TRIM47: variants seen among roughly 807,000 people sequenced by gnomAD.
The protein encoded by TRIM47 is tripartite motif containing 47.
TRIM47 carries 46 observed loss-of-function variants against 54.4 expected under a neutral mutation model. That is an observed-to-expected ratio of 0.84 (90% CI 0.67 to 1.08). TRIM47 has a LOEUF of 1.08. Among genes scored for constraint, TRIM47 ranks in the 50% least tolerant of loss-of-function variants. The probability of loss-of-function intolerance (pLI) is 0.00; values close to 1 mark genes in which losing one functional copy is unlikely to be tolerated. For synonymous variants in TRIM47, 392 were observed against 410.2 expected, an observed-to-expected ratio of 0.96 and a Z score of 0.54; for missense variants, 825 against 910.1, an observed-to-expected ratio of 0.91 and a Z score of 1.20.
chr17:75,878,459 G>A lies in TRIM47; in HGVS notation c.90C>T (p.Leu30=), dbSNP rs2065149552. 3 of 1,428,032 alleles carry A rather than the reference G, an allele frequency of 2.1e-6. No individual in the cohort carries two copies. The highest frequency in any genetic ancestry group is 3.0e-5 in the African/African-American group (2 of 67,416). The allele number at this position is 1,428,032 out of a possible 1,614,324, so 88.5% of individuals were successfully genotyped here. A position where few individuals can be genotyped will look rare whatever the true frequency, so the allele number is the denominator to read the frequency against. ...GCGGCCAGAGCGCGCCCAGGCAGGC[G>A]AGACAGAAGTTGTGGCCGCAGGGCA... ...VTLPCGHNFC[L]ACLGALWPHR... The change falls in exon 1 of 6, where the codon CTC becomes CTT. Residue 30 remains leucine, a synonymous_variant. Transcript: ENST00000254816.
Position 75,876,043 on chromosome 17 carries a change from G to A in TRIM47, c.1059C>T (p.Pro353=), listed in dbSNP as rs1019849401. The change falls in exon 4 of 6, where the codon CCC becomes CCT. Residue 353 remains proline (P), a synonymous_variant. Coordinates refer to ENST00000254816, the MANE Select transcript of TRIM47 (RefSeq NM_033452.3). ...ATTTGGTGAAGCTGAGCTCCCTCGG[G>A]GGTCCAGGCCCAGGGCCACACCCAT... ...LEDGCGPGPG[P]PRELSFTKSS... 6.2e-7 allele frequency: 1 copy of A among 1,602,858 alleles called. No homozygotes were observed. Among genetic ancestry groups the A allele is most frequent in the Non-Finnish European group, 8.5e-7 (1 of 1,179,966 alleles).
chr17:75,878,454 C>A lies in TRIM47; in HGVS notation c.95G>T (p.Cys32Phe). 7.0e-7 allele frequency: 1 copy of A among 1,428,120 alleles called. No homozygotes were observed. Among genetic ancestry groups the A allele is most frequent in the Non-Finnish European group, 9.3e-7 (1 of 1,080,624 alleles). The allele number at this position is 1,428,120 out of a possible 1,614,324, so 88.5% of individuals were successfully genotyped here. A position where few individuals can be genotyped will look rare whatever the true frequency, so the allele number is the denominator to read the frequency against. Residue 32 changes from cysteine to phenylalanine, a missense_variant, in exon 1 of 6, where the codon TGC becomes TTC. Coordinates refer to ENST00000254816, the MANE Select transcript of TRIM47 (RefSeq NM_033452.3). ...LPCGHNFCLA[C>F]LGALWPHRGA... ...ACGATGCGGCCAGAGCGCGCCCAGG[C>A]AGGCGAGACAGAAGTTGTGGCCGCA... is the stretch of plus-strand genomic sequence containing the variant.
At position 75,875,434 on chromosome 17, in the gene TRIM47, C is replaced by T. The variant is rs2065127508; in HGVS notation, c.1242G>A (p.Leu414=). The T allele has an allele frequency of 1.2e-6, 2 of 1,613,972 alleles. No homozygotes were observed. The highest frequency in any genetic ancestry group is 1.7e-6 in the Non-Finnish European group (2 of 1,180,004). ...AATAGTCCCTGGGAGCTTCACTCTC[C>T]AAGAGGTTCGTACTCTCGAGGTCTT... The part of the protein sequence containing the change: ...EPQDLESTNL[L]ESEAPRDYFL... Residue 414 remains leucine (L), a synonymous_variant, in exon 5 of 6, where the codon TTG becomes TTA. Coordinates refer to ENST00000254816, the MANE Select transcript of TRIM47 (RefSeq NM_033452.3). The surrounding 1 kb of genome is among the most constrained non-coding windows in gnomAD (Gnocchi z 6.1).
Position 75,874,811 on chromosome 17 carries a change from G to A in TRIM47, c.1589C>T (p.Ser530Phe), listed in dbSNP as rs1405614238. ...CCLQWNGRSFSVWFHGLEAPL... is the reference protein window; with the variant it reads ...CCLQWNGRSFFVWFHGLEAPL... ...AGCCTCCAGCCCATGAAACCAGACG[G>A]AGAAGCTGCGTCCATTCCACTGCAG... Residue 530 changes from serine to phenylalanine, a missense_variant, in exon 6 of 6, where the codon TCC becomes TTC. Transcript: ENST00000254816. The surrounding 1 kb of genome is among the most constrained non-coding windows in gnomAD (Gnocchi z 6.2). 6.2e-7 allele frequency: 1 copy of A among 1,614,128 alleles called. No homozygotes were observed. Among genetic ancestry groups the A allele is most frequent in the Admixed American group, 1.7e-5 (1 of 60,022 alleles).
In TRIM47 at chr17:75,876,414, G is replaced by T. The variant is rs749381903; in HGVS notation, c.850C>A (p.Gln284Lys). Residue 284 changes from glutamine to lysine, a missense_variant, in exon 3 of 6, where the codon CAG (glutamine) becomes AAG (lysine). Transcript: ENST00000254816. Reference sequence around the variant, plus strand: ...CCCTCCTCGATGAAGCCCAGCACCTGGGTCTGGAAGCCCTGCAGGGCGGCC... The same window carrying T: ...CCCTCCTCGATGAAGCCCAGCACCTTGGTCTGGAAGCCCTGCAGGGCGGCC... ...AAAALQGFQTQVLGFIEEGEA... is the reference protein window; with the variant it reads ...AAAALQGFQTKVLGFIEEGEA... The T allele has an allele frequency of 6.2e-7, 1 of 1,612,072 alleles. No homozygotes were observed. Among genetic ancestry groups the T allele is most frequent in the African/African-American group, 1.3e-5 (1 of 75,050 alleles).
Position 75,874,379 on chromosome 17 carries a change from TG to T in TRIM47, c.*103del. 9.1e-7 allele frequency: 1 copy of T among 1,094,688 alleles called. No homozygotes were observed. Among genetic ancestry groups the T allele is most frequent in the Non-Finnish European group, 1.3e-6 (1 of 789,736 alleles). 67.8% of individuals were successfully genotyped at this position (1,094,688 alleles called of 1,614,324 possible). ...TGGAAGCCTCTAGAAATGAGAAGGCTGGGTGTGTGGGACTCATGCTGGTGCC... is the reference window on the plus strand; with the variant it reads ...TGGAAGCCTCTAGAAATGAGAAGGCTGGTGTGTGGGACTCATGCTGGTGCC... On this transcript the variant is annotated 3_prime_UTR_variant, in exon 6 of 6. Coordinates refer to ENST00000254816, the MANE Select transcript of TRIM47 (RefSeq NM_033452.3). This position sits in a 1 kb window ranked among gnomAD's most constrained non-coding sequence, Gnocchi z 6.2.
In TRIM47 at chr17:75,874,637, G is replaced by T; in HGVS notation, c.1763C>A (p.Ser588Tyr). The T allele has an allele frequency of 6.3e-7, 1 of 1,586,796 alleles. No homozygotes were observed. Among genetic ancestry groups the T allele is most frequent in the Non-Finnish European group, 8.6e-7 (1 of 1,165,340 alleles). ...GCGGCTCTGGAAGGGGTCAATGGGG[G>T]AGGCCGGGATGCCACCCCGGCGGGG... Reference protein sequence around the residue: ...SRPRRGGIPASPIDPFQSRLD... With the variant: ...SRPRRGGIPAYPIDPFQSRLD... Residue 588 changes from serine to tyrosine, a missense_variant, in exon 6 of 6, where the codon TCC (serine) becomes TAC (tyrosine). Coordinates refer to ENST00000254816, the MANE Select transcript of TRIM47 (RefSeq NM_033452.3). The surrounding 1 kb of genome is among the most constrained non-coding windows in gnomAD (Gnocchi z 6.2).
chr17:75,877,494 G>T (rs928711837), intron 1 of TRIM47: 7 of 265,602 alleles, frequency 2.6e-5, no homozygotes, highest in African/African-American at 1.6e-4. Flanking sequence ...CCCATCGAAA[G>T]CTGCTGCCTC....
At position 75,874,904 on chromosome 17, in the gene TRIM47, G is replaced by A; in HGVS notation, c.1496C>T (p.Ala499Val). The change falls in exon 6 of 6, where the codon GCC becomes GTC. Residue 499 changes from alanine to valine, a missense_variant. Coordinates refer to ENST00000254816, the MANE Select transcript of TRIM47 (RefSeq NM_033452.3). The surrounding 1 kb of genome is among the most constrained non-coding windows in gnomAD (Gnocchi z 6.2). Reference sequence around the variant, plus strand: ...GGGCTCTTGTGGGGAGAAGTCTTCGGCCATGACCCCCATGCTGACCCAGCC... The same window carrying A: ...GGGCTCTTGTGGGGAGAAGTCTTCGACCATGACCCCCATGCTGACCCAGCC... Reference protein sequence around the residue: ...IEGWVSMGVMAEDFSPQEPYD... With the variant: ...IEGWVSMGVMVEDFSPQEPYD... 6.2e-7 allele frequency: 1 copy of A among 1,614,106 alleles called. No homozygotes were observed. Among genetic ancestry groups the A allele is most frequent in the South Asian group, 1.1e-5 (1 of 91,086 alleles).
chr17:75,876,883 T>C (rs983021961), intron 1 of TRIM47, 70 bp from the exon 2 acceptor site: 3 of 1,489,686 alleles, frequency 2.0e-6, no homozygotes, highest in Admixed American at 1.8e-5. Context: ...GTCCCAGGCC[T>C]TGCCAGGGGA....
Position 75,874,653 on chromosome 17 carries a change from C to T in TRIM47, c.1747G>A (p.Gly583Ser), listed in dbSNP as rs1482953566. 1.9e-6 allele frequency: 3 copies of T among 1,592,946 alleles called. No individual in the cohort carries two copies. The highest frequency in any genetic ancestry group is 1.1e-5 in the South Asian group (1 of 89,334). ...RRLKASRPRR[G>S]GIPASPIDPF... Reference sequence around the variant, plus strand: ...TCAATGGGGGAGGCCGGGATGCCACCCCGGCGGGGCCGGGAGGCCTTCAGC... The same window carrying T: ...TCAATGGGGGAGGCCGGGATGCCACTCCGGCGGGGCCGGGAGGCCTTCAGC... Residue 583 changes from glycine (G) to serine (S), a missense_variant, in exon 6 of 6, where the codon GGT (glycine) becomes AGT (serine). Gly to Ser is a moderately conservative substitution (Grantham distance 56, BLOSUM62 0). Coordinates refer to ENST00000254816, the MANE Select transcript of TRIM47 (RefSeq NM_033452.3). This position sits in a 1 kb window ranked among gnomAD's most constrained non-coding sequence, Gnocchi z 6.2.
rs776879914 is a variant in TRIM47 at position 75,874,692 on chromosome 17, T to A, written c.1708A>T (p.Ser570Cys). The A allele has an allele frequency of 6.2e-7, 1 of 1,608,758 alleles. No individual in the cohort carries two copies. The highest frequency in any genetic ancestry group is 1.1e-5 in the South Asian group (1 of 90,906). ...AFYAVRDGKM[S>C]LLRRLKASRP... ...GAGGCCTTCAGCCTCCGCAGGAGGC[T>A]CATCTTGCCGTCCCGTACAGCATAG... is the stretch of plus-strand genomic sequence containing the variant. Residue 570 changes from serine to cysteine, a missense_variant, in exon 6 of 6, where the codon AGC becomes TGC. Physicochemically the swap from Ser to Cys is moderately radical, Grantham distance 112. Transcript: ENST00000254816. This position sits in a 1 kb window ranked among gnomAD's most constrained non-coding sequence, Gnocchi z 6.2.
rs1157903402 is a variant in TRIM47, at chr17:75,876,002, C to T, written c.1100G>A (p.Arg367His). 1.2e-6 allele frequency: 2 copies of T among 1,606,302 alleles called. No individual in the cohort carries two copies. Among genetic ancestry groups the T allele is most frequent in the African/African-American group, 1.3e-5 (1 of 75,060 alleles). The change falls in exon 4 of 6, where the codon CGT (arginine) becomes CAT (histidine). Residue 367 changes from arginine (R) to histidine (H), a missense_variant. Arg to His is a conservative substitution (Grantham distance 29). Transcript: ENST00000254816. Reference protein sequence around the residue: ...LSFTKSSQAVRAVRDMLAVAC... With the variant: ...LSFTKSSQAVHAVRDMLAVAC... ...CACGGCCAGCATGTCTCTCACTGCA[C>T]GGACAGCTTGGGATGATTTGGTGAA...
At chr17:75,877,794 G>C in intron 1 of TRIM47, 80 bp downstream of exon 1, 4 of 1,271,642 alleles carry the variant, frequency 3.1e-6, no homozygotes, top group Non-Finnish European at 4.0e-6. Context: ...CGGGAAGACT[G>C]GGGGGTCCAA....
Position 75,876,699 on chromosome 17 carries a change from T to C in TRIM47, c.771+19A>G, listed in dbSNP as rs1313133729. ...TTGTTTGGAGTGGATTGTTCCATGC[T>C]GAGGGAGGGGTGTTTGACCTTGATG... On this transcript the variant is annotated intron_variant, in intron 2 of 5. Coordinates refer to ENST00000254816, the MANE Select transcript of TRIM47 (RefSeq NM_033452.3). 6 of 1,613,622 alleles carry C rather than the reference T, an allele frequency of 3.7e-6. No individual in the cohort carries two copies. Among genetic ancestry groups the C allele is most frequent in the Non-Finnish European group, 4.2e-6 (5 of 1,179,570 alleles).
Position 75,876,540 on chromosome 17 carries a change from C to T in TRIM47, c.772-48G>A, listed in dbSNP as rs774319232. 1.5e-5 allele frequency: 23 copies of T among 1,528,372 alleles called. No individual in the cohort carries two copies. The South Asian group carries it at 1.7e-4, about 11-fold the overall frequency. The allele number at this position is 1,528,372 out of a possible 1,614,324, so 94.7% of individuals were successfully genotyped here. A position where few individuals can be genotyped will look rare whatever the true frequency, so the allele number is the denominator to read the frequency against. ...GGGCAATGAGGGCAAAGAACCGTCC[C>T]GGACTGTACCCCCCTCCTTCCCTGA... On this transcript the variant is annotated intron_variant, in intron 2 of 5. Coordinates refer to ENST00000254816, the MANE Select transcript of TRIM47 (RefSeq NM_033452.3).
rs1443197832 is a variant in TRIM47 at position 75,875,167 on chromosome 17, C to G, written c.1277-44G>C. On this transcript the variant is annotated intron_variant, in intron 5 of 5. Transcript: ENST00000254816. The surrounding 1 kb of genome is among the most constrained non-coding windows in gnomAD (Gnocchi z 6.1). Reference sequence around the variant, plus strand: ...GAGAGAGGCAGGGCTCAGGGCCAGGCTCAGAGGGCACGGCCCCTCCCCAAG... The same window carrying G: ...GAGAGAGGCAGGGCTCAGGGCCAGGGTCAGAGGGCACGGCCCCTCCCCAAG... 1 of 1,549,242 alleles carries G rather than the reference C, an allele frequency of 6.5e-7. No homozygotes were observed. The highest frequency in any genetic ancestry group is 8.7e-7 in the Non-Finnish European group (1 of 1,147,274).
rs770500568 is a variant in TRIM47, at chr17:75,875,385, C to T, written c.1276+15G>A. 50 of 1,613,038 alleles carry T rather than the reference C, an allele frequency of 3.1e-5. No individual in the cohort carries two copies. Among genetic ancestry groups the T allele is most frequent in the Admixed American group, 6.7e-5 (4 of 59,992 alleles). On this transcript the variant is annotated intron_variant, in intron 5 of 5. Coordinates refer to ENST00000254816, the MANE Select transcript of TRIM47 (RefSeq NM_033452.3). The surrounding 1 kb of genome is among the most constrained non-coding windows in gnomAD (Gnocchi z 6.1). ...GGGCCCAGTGTGAGTGGAGGGGGCA[C>T]GGGCGTCCACTTACACTTGAGGAAA...
In TRIM47 at chr17:75,878,328, G is replaced by T. The variant is rs2065148550; in HGVS notation, c.221C>A (p.Ser74Tyr). ...GLQLRKNHTLSELLQLRQGSG... is the reference protein window; with the variant it reads ...GLQLRKNHTLYELLQLRQGSG... ...GCCCTGGCGGAGCTGCAGCAGCTCG[G>T]ACAGCGTGTGGTTCTTGCGGAGCTG... The change falls in exon 1 of 6, where the codon TCC (serine) becomes TAC (tyrosine). Residue 74 changes from serine (S) to tyrosine (Y), a missense_variant. Ser to Tyr is a moderately radical substitution (Grantham distance 144, BLOSUM62 -2). Coordinates refer to ENST00000254816, the MANE Select transcript of TRIM47 (RefSeq NM_033452.3). 7.7e-7 allele frequency: 1 copy of T among 1,306,142 alleles called. No homozygotes were observed. Among genetic ancestry groups the T allele is most frequent in the Non-Finnish European group, 9.8e-7 (1 of 1,022,736 alleles). 80.9% of individuals were successfully genotyped at this position (1,306,142 alleles called of 1,614,324 possible).
Sources: gnomAD v4.1 joint callset for allele counts on GRCh38, gnomAD v4.1.1 for gene constraint, Gnocchi (gnomAD v3.1) non-coding constraint, MANE v1.5 for transcripts, NCBI Gene and HGNC (gene_info 2026-07-23, HGNC 2026-07-21) for gene names.